C1QTNF3: variants seen among roughly 807,000 people sequenced by gnomAD.
C1QTNF3 encodes C1q and TNF related 3, also known as complement C1q tumor necrosis factor-related protein 3.
Under a neutral mutation model 32.6 loss-of-function variants are expected in C1QTNF3, and 26 were observed. The ratio of observed to expected loss-of-function variants is 0.80; its 90% CI spans 0.58 to 1.11. C1QTNF3 has a LOEUF of 1.11. Ranked by LOEUF, C1QTNF3 falls within the 50% of genes least tolerant of loss-of-function variation. C1QTNF3 has a pLI of 0.00. For synonymous variants in C1QTNF3, 155 were observed against 146.0 expected, an observed-to-expected ratio of 1.06 and a Z score of -0.44; for missense variants, 362 against 398.2, an observed-to-expected ratio of 0.91 and a Z score of 0.77.
the C1QTNF3 span, among the ~76,000 whole-genome samples, chr5:34,224,395 C>G: frequency 2.0e-4 from 30 of 152,306 alleles, no homozygotes; most frequent in African/African-American, 7.2e-4. Context: ...TACCTGACTT[C>G]AAACTATACT....
At chr5:34,102,314 A>G in the C1QTNF3 span, among the ~76,000 whole-genome samples, 1 of 152,126 alleles carries the variant, frequency 6.6e-6, no homozygotes, top group Non-Finnish European at 1.5e-5. Context: ...CTTTATTCTA[A>G]TAACACAGAA....
intron 5 of C1QTNF3, among the ~76,000 whole-genome samples, chr5:34,023,305 A>C (rs985085042): frequency 6.6e-6 from 1 of 152,174 alleles, no homozygotes; most frequent in African/African-American, 2.4e-5. Flanking sequence ...GTGAAGAAAA[A>C]TCAACTTCTA....
chr5:34,236,856 A>C, the C1QTNF3 span, among the ~76,000 whole-genome samples: 7 of 152,106 alleles, frequency 4.6e-5, no homozygotes, highest in East Asian at 1.4e-3. Context: ...GATTACAGGC[A>C]TGAGCCACCG....
the C1QTNF3 span, among the ~76,000 whole-genome samples, chr5:34,197,724 T>A: frequency 6.6e-6 from 1 of 152,010 alleles, no homozygotes; most frequent in African/African-American, 2.4e-5. Flanking sequence ...AAGGTCCATG[T>A]CTTAGTTTGT....
the C1QTNF3 span, among the ~76,000 whole-genome samples, chr5:34,232,969 A>AC: frequency 4.0e-5 from 1 of 25,314 alleles, no homozygotes; most frequent in Non-Finnish European, 5.7e-4. Flanking sequence ...ATAGCAAACT[A>AC]CTTTTACTGT....
the C1QTNF3 span, among the ~76,000 whole-genome samples, chr5:34,052,396 C>CT: frequency 1.3e-5 from 2 of 152,150 alleles, no homozygotes; most frequent in African/African-American, 4.8e-5. Context: ...ATAACGAGAT[C>CT]TTTATTTTCT....
At chr5:34,222,824 A>C in the C1QTNF3 span, among the ~76,000 whole-genome samples, 3 of 151,798 alleles carry the variant, frequency 2.0e-5, no homozygotes, top group African/African-American at 7.3e-5. Context: ...TTTGCTGCAA[A>C]CTGGCTAGCA....
chr5:34,035,582 T>G, intron 2 of C1QTNF3, 65 bp downstream of exon 2: 2 of 1,162,878 alleles, frequency 1.7e-6, no homozygotes. Context: ...TATTAAGGTT[T>G]GCCCTTTGCT....
At chr5:34,235,610 G>A in the C1QTNF3 span, among the ~76,000 whole-genome samples, 5 of 137,648 alleles carry the variant, frequency 3.6e-5, no homozygotes, top group Non-Finnish European at 6.1e-5. Context: ...GAACAAACAC[G>A]AACACATTAC....
At chr5:34,159,929 T>C in the C1QTNF3 span, among the ~76,000 whole-genome samples, 1 of 151,346 alleles carries the variant, frequency 6.6e-6, no homozygotes, top group Non-Finnish European at 1.5e-5. Context: ...AGGAGCAATA[T>C]TATGAGTACA....
At chr5:34,125,945 G>A in the C1QTNF3 span, among the ~76,000 whole-genome samples, 1 of 152,140 alleles carries the variant, frequency 6.6e-6, no homozygotes, top group Non-Finnish European at 1.5e-5. Flanking sequence ...CAAGGGGCTT[G>A]CTTCAGGTGT....
At chr5:34,046,363 G>A (rs1754986005), upstream of C1QTNF3, among the ~76,000 whole-genome samples, 1 of 152,140 alleles carries the variant, frequency 6.6e-6, no homozygotes, top group Non-Finnish European at 1.5e-5. Flanking sequence ...CTTTAAAGGT[G>A]ATCAACTTAA....
chr5:34,150,301 G>A, the C1QTNF3 span, among the ~76,000 whole-genome samples: 1 of 97,734 alleles, frequency 1.0e-5, no homozygotes, highest in African/African-American at 4.7e-5. Flanking sequence ...AGATCAACGA[G>A]ACAGAAAGTC....
chr5:34,147,620 C>A, the C1QTNF3 span, among the ~76,000 whole-genome samples: 1 of 151,760 alleles, frequency 6.6e-6, no homozygotes, highest in South Asian at 2.1e-4. Context: ...ATACTGAGCA[C>A]ACATGGGCAT....
the C1QTNF3 span, among the ~76,000 whole-genome samples, chr5:34,180,062 T>G: frequency 1.3e-5 from 2 of 152,366 alleles, no homozygotes; most frequent in African/African-American, 4.8e-5. Flanking sequence ...ATTTAAAAAT[T>G]AGGGCCGGGC....
the C1QTNF3 span, among the ~76,000 whole-genome samples, chr5:34,110,249 T>C: frequency 6.6e-6 from 1 of 151,198 alleles, no homozygotes; most frequent in Admixed American, 6.6e-5. Context: ...GTGAGGTTGT[T>C]TGCCTCATTT....
the C1QTNF3 span, among the ~76,000 whole-genome samples, chr5:34,187,311 A>G: frequency 3.6e-4 from 55 of 151,950 alleles, no homozygotes; most frequent in African/African-American, 1.3e-3. Flanking sequence ...GACTAATACA[A>G]TAAGTTGATA....
chr5:34,198,210 C>G, the C1QTNF3 span, among the ~76,000 whole-genome samples: 733 of 143,276 alleles, frequency 5.1e-3, 14 homozygotes, highest in East Asian at 0.083. Flanking sequence ...CCACTGCACT[C>G]CAGCCTGGGT....
the C1QTNF3 span, chr5:34,200,601 A>G: frequency 6.6e-6 from 1 of 152,110 alleles, no homozygotes; most frequent in Non-Finnish European, 1.5e-5. Context: ...TTTCAATACC[A>G]TAATCATTAA....
Sources: allele counts gnomAD v4.1 joint callset (sites outside exome capture counted in the v4.1 genomes callset), GRCh38; gene constraint gnomAD v4.1.1; transcripts MANE v1.5; gene names NCBI Gene and HGNC (gene_info 2026-07-23, HGNC 2026-07-21).